The following EVC2 variants were observed in gnomAD, a reference collection of about 807,000 sequenced individuals.
EVC2 encodes the protein limbin.
In EVC2, 148 loss-of-function variants were observed where a neutral mutation model predicts 149.3. The observed-to-expected ratio is 0.99, with a 90% CI of 0.87 to 1.14. EVC2 has a LOEUF of 1.14. Among genes scored for constraint, EVC2 ranks in the 50% most tolerant of loss-of-function variants. EVC2 has a pLI of 0.00. For missense variants in EVC2, 1,854 were observed against 1,627.3 expected, an observed-to-expected ratio of 1.14 and a Z score of -2.40; for synonymous variants, 776 against 649.9, an observed-to-expected ratio of 1.19 and a Z score of -2.95.
chr4:5,540,093 GCAGA>G (rs1470963463), downstream of EVC2, among the ~76,000 whole-genome samples: 1 of 152,106 alleles, frequency 6.6e-6, no homozygotes, highest in Non-Finnish European at 1.5e-5. Flanking sequence ...CAAATGGTTG[GCAGA>G]CAAACACATG....
Position 5,562,477 on chromosome 4 carries a change from TA to T in EVC2, c.*370del, listed in dbSNP as rs1185733137. 3 of 1,077,988 alleles carry T rather than the reference TA, an allele frequency of 2.8e-6. No homozygotes were observed. In the East Asian group the frequency reaches 2.1e-4, roughly 76 times the overall value. 66.8% of individuals were successfully genotyped at this position (1,077,988 alleles called of 1,614,324 possible). ...CATTTATTTTTTAAAATTCCCTTTA[TA>T]AAAATAGAATATGTAACAAATACAA... On this transcript the variant is annotated 3_prime_UTR_variant, in exon 22 of 22. Transcript: ENST00000344408. The surrounding 1 kb of genome is among the most constrained non-coding windows in gnomAD (Gnocchi z 4.3).
chr4:5,568,461 G>C lies in EVC2; in HGVS notation c.3540C>G (p.Ala1180=), dbSNP rs373829825. Residue 1180 remains alanine, a synonymous_variant, in exon 20 of 22, where the codon GCC becomes GCG. Coordinates refer to ENST00000344408, the MANE Select transcript of EVC2 (RefSeq NM_147127.5). The part of the protein sequence containing the change: ...AAESDGGAEQ[A]DVGRRRKHQS... ...GCACTCACCTCCGCCTGCCCACGTCGGCCTGCTCCGCTCCGCCATCGCTCT... is the reference window on the plus strand; with the variant it reads ...GCACTCACCTCCGCCTGCCCACGTCCGCCTGCTCCGCTCCGCCATCGCTCT... 3 of 1,565,868 alleles carry C rather than the reference G, an allele frequency of 1.9e-6. No homozygotes were observed. The East Asian group carries it at 7.0e-5, about 36-fold the overall frequency.
intron 16 of EVC2, among the ~76,000 whole-genome samples, chr4:5,607,601 A>G (rs1394341591): frequency 6.6e-6 from 1 of 152,114 alleles, no homozygotes; most frequent in Non-Finnish European, 1.5e-5. Flanking sequence ...AGCTGTACAG[A>G]AAAAGTGGCA....
downstream of EVC2, among the ~76,000 whole-genome samples, chr4:5,539,796 C>G (rs1721483381): frequency 6.6e-6 from 1 of 152,118 alleles, no homozygotes; most frequent in African/African-American, 2.4e-5. Flanking sequence ...CACACACACA[C>G]ACACTTTAAA....
chr4:5,697,727 C>T, intron 1 of EVC2, 80 bp from the exon 2 acceptor site: 2 of 1,305,026 alleles, frequency 1.5e-6, no homozygotes, highest in Non-Finnish European at 2.2e-6. Flanking sequence ...GTAAATGACT[C>T]ACATGGAGAG....
chr4:5,610,749 T>A (rs1194820609), intron 16 of EVC2, among the ~76,000 whole-genome samples: 1 of 151,962 alleles, frequency 6.6e-6, no homozygotes, highest in East Asian at 1.9e-4. Flanking sequence ...TCTTGCAGCG[T>A]GTTCTTCTTG....
chr4:5,603,203 T>G (rs548440657), intron 16 of EVC2, among the ~76,000 whole-genome samples: 62 of 152,338 alleles, frequency 4.1e-4, no homozygotes, highest in Non-Finnish European at 7.5e-4. Context: ...AGTCTGACCA[T>G]GAGGCCTTGA....
At chr4:5,556,962 G>A (rs1333249445) in intron 21 of EVC2, among the ~76,000 whole-genome samples, 1 of 152,032 alleles carries the variant, frequency 6.6e-6, no homozygotes, top group Non-Finnish European at 1.5e-5. Flanking sequence ...GAAAGCCCCA[G>A]ACTCAGATCA....
At chr4:5,590,695 G>A (rs1291700297) in intron 16 of EVC2, among the ~76,000 whole-genome samples, 1 of 152,142 alleles carries the variant, frequency 6.6e-6, no homozygotes, top group Non-Finnish European at 1.5e-5. Context: ...TTCACATTCT[G>A]ATGTCAGAAG....
intron 9 of EVC2, among the ~76,000 whole-genome samples, chr4:5,642,643 C>T (rs1217663401): frequency 6.6e-6 from 1 of 152,166 alleles, no homozygotes; most frequent in Non-Finnish European, 1.5e-5. Flanking sequence ...CAGATGTCAG[C>T]GACATCCTTA....
intron 9 of EVC2, among the ~76,000 whole-genome samples, chr4:5,654,442 C>T (rs1404410473): frequency 1.3e-5 from 2 of 152,184 alleles, no homozygotes; most frequent in Non-Finnish European, 2.9e-5. Context: ...GACGCCTCTC[C>T]CTTGCATTTA....
chr4:5,577,015 G>C (rs1722973214), intron 17 of EVC2, among the ~76,000 whole-genome samples: 1 of 152,204 alleles, frequency 6.6e-6, no homozygotes, highest in Non-Finnish European at 1.5e-5. Context: ...CTGGAACACA[G>C]CAACTATGGC....
chr4:5,625,840 A>G lies in EVC2; in HGVS notation c.1955T>C (p.Ile652Thr). ...LERAQTEVFS[I>T]KQKLDNDLKQ... is the part of the protein sequence containing the mutation. ...TAAGTCATTGTCCAACTTCTGCTTG[A>G]TTGAAAAGACTTCTGTCTGAGCCCG... Residue 652 changes from isoleucine to threonine, a missense_variant, in exon 13 of 22, where the codon ATC (isoleucine) becomes ACC (threonine). Physicochemically the swap from Ile to Thr is moderately conservative, Grantham distance 89 (BLOSUM62 -1). Transcript: ENST00000344408. The surrounding 1 kb of genome is among the most constrained non-coding windows in gnomAD (Gnocchi z 4.0). 2 of 1,613,956 alleles carry G rather than the reference A, an allele frequency of 1.2e-6. No individual in the cohort carries two copies. Among genetic ancestry groups the G allele is most frequent in the Non-Finnish European group, 1.7e-6 (2 of 1,179,978 alleles).
rs144148726 is a variant in EVC2 at position 5,617,550 on chromosome 4, CCAGA to C, written c.2706+924_2706+927del. ...CGGGGAGCTTATTTTTAGTGGAAGCCCAGACAAAGGGGAAGTCAAGGAACCAGCA... is the reference window on the plus strand; with the variant it reads ...CGGGGAGCTTATTTTTAGTGGAAGCCCAAAGGGGAAGTCAAGGAACCAGCA... On this transcript the variant is annotated intron_variant, in intron 15 of 21. Coordinates refer to ENST00000344408, the MANE Select transcript of EVC2 (RefSeq NM_147127.5). 6.7e-3 allele frequency among the ~76,000 whole-genome samples: 1,019 copies of C among 152,024 alleles called. 4 individuals carry two copies. The highest frequency in any genetic ancestry group is 0.011 in the African/African-American group (476 of 41,446).
At chr4:5,583,287 A>G (rs529660245) in intron 17 of EVC2, among the ~76,000 whole-genome samples, 1 of 152,332 alleles carries the variant, frequency 6.6e-6, no homozygotes, top group Non-Finnish European at 1.5e-5. Context: ...ATCTATGTTC[A>G]CATGCAAGAT....
Position 5,565,367 on chromosome 4 carries a change from C to T in EVC2, c.3558-8G>A, listed in dbSNP as rs775806827. 46 of 1,613,492 alleles carry T rather than the reference C, an allele frequency of 2.9e-5. No individual in the cohort carries two copies. The South Asian group carries it at 4.8e-4, about 17-fold the overall frequency. On this transcript the variant is annotated splice_region_variant and splice_polypyrimidine_tract_variant and intron_variant, in intron 20 of 21. Coordinates refer to ENST00000344408, the MANE Select transcript of EVC2 (RefSeq NM_147127.5). The stretch of plus-strand genomic sequence containing the variant: ...CACCAGCTCTGGTGTTTCCTGCAGG[C>T]AAGAAGGGAGTCTTATAGTTTCAAA...
At chr4:5,673,241 G>C (rs1266575011) in intron 7 of EVC2, among the ~76,000 whole-genome samples, 3 of 152,184 alleles carry the variant, frequency 2.0e-5, no homozygotes, top group Non-Finnish European at 4.4e-5. Context: ...GGTGGGAAGG[G>C]CACAGATCAG....
chr4:5,645,747 G>C (rs985229963), intron 9 of EVC2, among the ~76,000 whole-genome samples: 1 of 152,182 alleles, frequency 6.6e-6, no homozygotes, highest in East Asian at 1.9e-4. Flanking sequence ...CTTTACGACA[G>C]AATGATTTAT....
rs1395353793 is a variant in EVC2, at chr4:5,628,629, C to T, written c.1816G>A (p.Glu606Lys). Residue 606 changes from glutamate (E) to lysine (K), a missense_variant, in exon 12 of 22, where the codon GAG (glutamate) becomes AAG (lysine). Transcript: ENST00000344408. ...EYLVQNLQSS[E>K]TRVQGLLSTA... ...CTCAGAAGGCCCTGCACACGGGTCT[C>T]TGATGACTGGAGGTTCTGGACCAGA... The T allele has an allele frequency of 8.1e-6, 13 of 1,614,000 alleles. No homozygotes were observed. In the East Asian group the frequency reaches 2.9e-4, roughly 36 times the overall value.
Sources: allele counts gnomAD v4.1 joint callset (sites outside exome capture counted in the v4.1 genomes callset), GRCh38; gene constraint gnomAD v4.1.1; non-coding constraint Gnocchi (gnomAD v3.1); transcripts MANE v1.5; gene names NCBI Gene and HGNC (gene_info 2026-07-23, HGNC 2026-07-21).